Variants in RPRD1A observed in about 807,000 individuals in gnomAD.
RPRD1A encodes the protein regulation of nuclear pre-mRNA domain-containing protein 1A.
A neutral mutation model predicts 37.8 loss-of-function variants in RPRD1A; 9 were observed. The ratio of observed to expected loss-of-function variants is 0.24; its 90% confidence interval spans 0.14 to 0.42. RPRD1A has a LOEUF of 0.42. Among genes scored for constraint, RPRD1A ranks in the 10% least tolerant of loss-of-function variants. The pLI, the probability that RPRD1A is intolerant of heterozygous loss-of-function variation, is 1.00. For synonymous variants in RPRD1A, 138 were observed against 139.7 expected (o/e 0.99, Z 0.08); for missense variants, 255 against 371.0 (o/e 0.69, Z 2.57).
intron 1 of RPRD1A, among the ~76,000 whole-genome samples, chr18:36,065,071 T>A (rs1332146091): frequency 6.6e-6 from 1 of 152,216 alleles, no homozygotes; most frequent in South Asian, 2.1e-4. Flanking sequence ...AACATCAGAA[T>A]GAACAAACTC....
intron 6 of RPRD1A, among the ~76,000 whole-genome samples, chr18:36,015,220 T>C (rs369980149): frequency 8.0e-5 from 12 of 149,684 alleles, no homozygotes; most frequent in African/African-American, 2.5e-4. Context: ...ATACTTTTTT[T>C]TTTTTTTTTT....
intron 6 of RPRD1A, among the ~76,000 whole-genome samples, chr18:36,021,731 G>T (rs1911008205): frequency 6.6e-6 from 1 of 152,148 alleles, no homozygotes; most frequent in Admixed American, 6.5e-5. Flanking sequence ...TGGTGTGGTG[G>T]CTCATGCCTG....
In RPRD1A at chr18:36,033,869, T is replaced by C. The variant is rs751469423; in HGVS notation, c.152-32A>G. The C allele has an allele frequency of 3.2e-6, 5 of 1,574,918 alleles. 1 individual carries two copies. In the South Asian group the frequency reaches 5.7e-5, roughly 18 times the overall value. ...AATAAGAAAAAGTTAAAAATCTACT[T>C]AAAACATCTTTACTTGGACAAACTT... On this transcript the variant is annotated intron_variant, in intron 1 of 6. Coordinates refer to ENST00000399022, the MANE Select transcript of RPRD1A (RefSeq NM_018170.5).
chr18:36,049,538 G>GT (rs908755063), intron 1 of RPRD1A, among the ~76,000 whole-genome samples: 8 of 152,252 alleles, frequency 5.3e-5, no homozygotes, highest in African/African-American at 1.7e-4. Context: ...ACTACTCTAG[G>GT]TGTCTCATAT....
chr18:36,058,026 A>T (rs1898749897), intron 1 of RPRD1A, among the ~76,000 whole-genome samples: 1 of 152,208 alleles, frequency 6.6e-6, no homozygotes, highest in Non-Finnish European at 1.5e-5. Flanking sequence ...TTTCTTGAAT[A>T]AAGAAACCTA....
At chr18:36,016,827 A>C (rs562573764) in intron 6 of RPRD1A, among the ~76,000 whole-genome samples, 2 of 152,342 alleles carry the variant, frequency 1.3e-5, no homozygotes, top group East Asian at 3.9e-4. Context: ...TGAGATTTAT[A>C]ATCACATGAA....
chr18:36,067,483 G>GCCCCCTCA lies in RPRD1A; in HGVS notation c.-87_-80dup. On this transcript the variant is annotated 5_prime_UTR_variant, in exon 1 of 7. Coordinates refer to ENST00000399022, the MANE Select transcript of RPRD1A (RefSeq NM_018170.5). The stretch of plus-strand genomic sequence containing the variant: ...GTTTCGCCGCCCTAGCTGCGGCCTC[G>GCCCCCTCA]CCCCCTCACCCCACCCTTCCCCACG... 1 of 1,428,656 alleles carries GCCCCCTCA rather than the reference G, an allele frequency of 7.0e-7. No homozygotes were observed. Among genetic ancestry groups the GCCCCCTCA allele is most frequent in the Non-Finnish European group, 9.5e-7 (1 of 1,052,114 alleles). The allele number at this position is 1,428,656 out of a possible 1,614,324, so 88.5% of individuals were successfully genotyped here.
chr18:36,009,608 TTACATA>T (rs1216141623), intron 6 of RPRD1A, among the ~76,000 whole-genome samples: 1 of 152,254 alleles, frequency 6.6e-6, no homozygotes, highest in East Asian at 1.9e-4. Flanking sequence ...GGCAGAGATA[TTACATA>T]TACAATTTCT....
rs1472343530 is a variant in RPRD1A at position 36,036,961 on chromosome 18, C to T, written c.152-3124G>A. ...TTCCAAAAACACCGGTTTTCCAAAC[C>T]GTCCATTCAATTTAAATAGCATTTA... On this transcript the variant is annotated intron_variant, in intron 1 of 6. Coordinates refer to ENST00000399022, the MANE Select transcript of RPRD1A (RefSeq NM_018170.5). Among the ~76,000 whole-genome samples, 4 of 152,212 alleles carry T rather than the reference C, an allele frequency of 2.6e-5. No individual in the cohort carries two copies. The East Asian group carries it at 5.8e-4, about 22-fold the overall frequency.
intron 6 of RPRD1A, among the ~76,000 whole-genome samples, chr18:36,004,660 T>TA (rs960027811): frequency 2.4e-4 from 36 of 151,332 alleles, no homozygotes; most frequent in Middle Eastern, 3.4e-3. Context: ...AAACAGACCT[T>TA]AAAAAAAAAG....
At chr18:36,003,589 G>A (rs1332963538) in intron 6 of RPRD1A, among the ~76,000 whole-genome samples, 1 of 152,188 alleles carries the variant, frequency 6.6e-6, no homozygotes, top group Admixed American at 6.5e-5. Context: ...AAGTGAGTTA[G>A]CTACTGATGG....
At chr18:36,007,769 C>G (rs754674761) in intron 6 of RPRD1A, among the ~76,000 whole-genome samples, 1 of 152,056 alleles carries the variant, frequency 6.6e-6, no homozygotes, top group Admixed American at 6.6e-5. Flanking sequence ...GAAACCCCAT[C>G]TCTACCAAAA....
chr18:36,037,998 G>A (rs939707669), intron 1 of RPRD1A, among the ~76,000 whole-genome samples: 7 of 152,230 alleles, frequency 4.6e-5, no homozygotes, highest in Admixed American at 6.5e-5. Flanking sequence ...ACAAAGATAC[G>A]GTTTGGAATT....
chr18:36,054,186 G>A (rs1227999898), intron 1 of RPRD1A, among the ~76,000 whole-genome samples: 5 of 84,672 alleles, frequency 5.9e-5, no homozygotes, highest in Admixed American at 4.5e-4. Context: ...TTGATTTACC[G>A]ATTAAATGCT....
chr18:36,028,827 T>G (rs1911561893), intron 4 of RPRD1A, among the ~76,000 whole-genome samples: 1 of 152,108 alleles, frequency 6.6e-6, no homozygotes, highest in South Asian at 2.1e-4. Flanking sequence ...TAAAAAACGA[T>G]CATTATAAAA....
intron 1 of RPRD1A, among the ~76,000 whole-genome samples, chr18:36,044,890 AAAC>A (rs200965008): frequency 0.016 from 2,464 of 152,122 alleles, 30 homozygotes; most frequent in Non-Finnish European, 0.024. Flanking sequence ...TCAAAAATAA[AAAC>A]AATAGTCTGA....
At chr18:36,044,534 A>G (rs939906821) in intron 1 of RPRD1A, among the ~76,000 whole-genome samples, 1 of 151,990 alleles carries the variant, frequency 6.6e-6, no homozygotes, top group South Asian at 2.1e-4. Flanking sequence ...CTAAAAATAC[A>G]AAAATTAGCC....
intron 1 of RPRD1A, among the ~76,000 whole-genome samples, chr18:36,038,326 C>G (rs567843311): frequency 4.6e-5 from 7 of 152,336 alleles, no homozygotes; most frequent in African/African-American, 1.7e-4. Context: ...GCTGCTCCAG[C>G]TCTAGCCATG....
Position 35,991,138 on chromosome 18 carries a change from A to T in RPRD1A, c.*2013T>A, listed in dbSNP as rs1256639219. On this transcript the variant is annotated 3_prime_UTR_variant, in exon 7 of 7. Transcript: ENST00000399022. The stretch of plus-strand genomic sequence containing the variant: ...ATTTCAAATCTTCCCAGGAGTACAT[A>T]GTTTATAAATTAGTTTTAAATGGAA... 2.6e-5 allele frequency: 4 copies of T among 152,338 alleles called. No homozygotes were observed. In the East Asian group the frequency reaches 5.8e-4, roughly 22 times the overall value. The allele number at this position is 152,338 out of a possible 1,614,324, so 9.4% of individuals were successfully genotyped here.
Sources: gnomAD v4.1 joint callset for allele counts (sites outside exome capture counted in the v4.1 genomes callset) on GRCh38, gnomAD v4.1.1 for gene constraint, MANE v1.5 for transcripts, NCBI Gene and HGNC (gene_info 2026-07-23, HGNC 2026-07-21) for gene names.